The following SLC22A3 variants were observed in gnomAD, a reference collection of about 807,000 sequenced individuals.
SLC22A3 encodes the protein solute carrier family 22 member 3, also known as EMT organic cation transporter 3.
SLC22A3 carries 51 observed loss-of-function variants against 59.1 expected under a neutral mutation model. That is an observed-to-expected ratio of 0.86 (90% confidence interval 0.69 to 1.09). The LOEUF is 1.09. SLC22A3 is among the 50% of genes least tolerant of loss of function. The pLI is 0.00. For synonymous variants in SLC22A3, 325 were observed against 292.0 expected, an observed-to-expected ratio of 1.11 and a Z score of -1.15; for missense variants, 711 against 726.3, an observed-to-expected ratio of 0.98 and a Z score of 0.24.
At chr6:160,369,698 A>G (rs1433603479) in intron 1 of SLC22A3, among the ~76,000 whole-genome samples, 1 of 152,146 alleles carries the variant, frequency 6.6e-6, no homozygotes, top group Non-Finnish European at 1.5e-5. Context: ...ATTTTGTTGT[A>G]TTTTATTTAG....
chr6:160,361,251 G>T (rs779250261), intron 1 of SLC22A3, among the ~76,000 whole-genome samples: 28 of 152,188 alleles, frequency 1.8e-4, no homozygotes, highest in Non-Finnish European at 2.9e-4. Context: ...GGTGGACTCA[G>T]GGTGAATTGA....
At chr6:160,397,497 A>G (rs1222477290) in intron 1 of SLC22A3, among the ~76,000 whole-genome samples, 1 of 151,992 alleles carries the variant, frequency 6.6e-6, no homozygotes, top group African/African-American at 2.4e-5. Flanking sequence ...GCACTTTGGG[A>G]GTTTGAGGTG....
chr6:160,373,402 C>G (rs1215386271), intron 1 of SLC22A3, among the ~76,000 whole-genome samples: 1 of 152,158 alleles, frequency 6.6e-6, no homozygotes, highest in Non-Finnish European at 1.5e-5. Flanking sequence ...GGGGCACTCA[C>G]CAGATGTGAG....
intron 1 of SLC22A3, among the ~76,000 whole-genome samples, chr6:160,356,002 C>T (rs538647082): frequency 2.6e-5 from 4 of 152,282 alleles, no homozygotes; most frequent in East Asian, 1.9e-4. Context: ...CCCTCCTAGC[C>T]TAACGCAGTG....
chr6:160,389,573 T>C (rs896433152), intron 1 of SLC22A3, among the ~76,000 whole-genome samples: 21 of 152,218 alleles, frequency 1.4e-4, no homozygotes, highest in African/African-American at 4.3e-4. Flanking sequence ...GCATGTCCAC[T>C]TGACTCTGTG....
In SLC22A3 at chr6:160,381,648, A is replaced by G. The variant is rs150193231; in HGVS notation, c.430-16331A>G. Among the ~76,000 whole-genome samples the G allele has an allele frequency of 6.9e-3, 1,047 of 152,348 alleles. 11 individuals carry two copies. The highest frequency in any genetic ancestry group is 0.024 in the African/African-American group (1,008 of 41,574). ...GTAAACTCGTTGATTTTATTTTCAT[A>G]AATGATTTATTTTACAACTATGAAG... is the stretch of plus-strand genomic sequence containing the variant. On this transcript the variant is annotated intron_variant, in intron 1 of 10. Transcript: ENST00000275300.
intron 1 of SLC22A3, among the ~76,000 whole-genome samples, chr6:160,378,150 A>G (rs541996259): frequency 1.3e-5 from 2 of 152,348 alleles, no homozygotes; most frequent in African/African-American, 4.8e-5. Flanking sequence ...TGAAGATTCT[A>G]GAATAATATG....
chr6:160,429,273 A>C (rs1390633150), intron 5 of SLC22A3, among the ~76,000 whole-genome samples: 6 of 152,230 alleles, frequency 3.9e-5, no homozygotes, highest in Admixed American at 3.9e-4. Context: ...CATTCACTGA[A>C]TAAATCACAG....
intron 1 of SLC22A3, among the ~76,000 whole-genome samples, chr6:160,395,312 T>A (rs955067346): frequency 6.6e-6 from 1 of 152,202 alleles, no homozygotes; most frequent in Non-Finnish European, 1.5e-5. Context: ...TGAATACATG[T>A]ATTAAAAGGC....
chr6:160,388,743 T>C (rs189580219), intron 1 of SLC22A3, among the ~76,000 whole-genome samples: 2 of 152,352 alleles, frequency 1.3e-5, no homozygotes, highest in Admixed American at 6.5e-5. Flanking sequence ...CCTTATTCAC[T>C]ATTTTTATTT....
intron 2 of SLC22A3, among the ~76,000 whole-genome samples, chr6:160,398,565 A>G (rs1289737369): frequency 6.6e-6 from 1 of 152,210 alleles, no homozygotes; most frequent in East Asian, 1.9e-4. Flanking sequence ...ATATTTTTCC[A>G]AAAACCACTA....
chr6:160,408,682 C>T, intron 3 of SLC22A3, 71 bp from the exon 4 acceptor site: 1 of 1,460,084 alleles, frequency 6.8e-7, no homozygotes. Context: ...GGTGTAACAT[C>T]TCTGTATTTG....
At chr6:160,430,714 G>A (rs1359466527) in intron 5 of SLC22A3, among the ~76,000 whole-genome samples, 1 of 152,120 alleles carries the variant, frequency 6.6e-6, no homozygotes, top group South Asian at 2.1e-4. Flanking sequence ...AGAGAGTGTC[G>A]ATACTAGGCA....
intron 9 of SLC22A3, among the ~76,000 whole-genome samples, chr6:160,446,179 G>A (rs1232781168): frequency 1.3e-5 from 2 of 152,200 alleles, no homozygotes; most frequent in African/African-American, 4.8e-5. Flanking sequence ...AGTAGCACAT[G>A]TGGATCTGGT....
rs748041063 is a variant in SLC22A3 at position 160,450,976 on chromosome 6, T to C, written c.1611-20T>C. 8 of 1,576,696 alleles carry C rather than the reference T, an allele frequency of 5.1e-6. No individual in the cohort carries two copies. The African/African-American group carries it at 8.1e-5, about 16-fold the overall frequency. On this transcript the variant is annotated intron_variant, in intron 10 of 10. Coordinates refer to ENST00000275300, the MANE Select transcript of SLC22A3 (RefSeq NM_021977.4). ...TAGTTACATAATCTTTCCTAAAGACTTTCTCCTTTGTTTTTTCAGTCCACA... is the reference window on the plus strand; with the variant it reads ...TAGTTACATAATCTTTCCTAAAGACCTTCTCCTTTGTTTTTTCAGTCCACA...
chr6:160,448,371 T>C (rs1788823831), intron 10 of SLC22A3, among the ~76,000 whole-genome samples: 1 of 152,068 alleles, frequency 6.6e-6, no homozygotes, highest in Admixed American at 6.6e-5. Context: ...AATAGGTAGA[T>C]GGATGATAGA....
intron 5 of SLC22A3, among the ~76,000 whole-genome samples, chr6:160,421,317 T>TAA (rs751737211): frequency 1.7e-4 from 26 of 152,212 alleles, no homozygotes; most frequent in Non-Finnish European, 3.4e-4. Context: ...CTTTCTCACT[T>TAA]ACTCTTCTCT....
chr6:160,399,041 A>T (rs1786643151), intron 2 of SLC22A3, among the ~76,000 whole-genome samples: 1 of 152,214 alleles, frequency 6.6e-6, no homozygotes, highest in African/African-American at 2.4e-5. Flanking sequence ...CATATCCTGT[A>T]GCCAATTGAA....
intron 1 of SLC22A3, among the ~76,000 whole-genome samples, chr6:160,360,992 C>T (rs981980465): frequency 1.3e-5 from 2 of 152,086 alleles, no homozygotes; most frequent in African/African-American, 2.4e-5. Context: ...CTTCCTCTAC[C>T]AGAAATTAAA....
Sources: gnomAD v4.1 joint callset for allele counts (sites outside exome capture counted in the v4.1 genomes callset) on GRCh38, gnomAD v4.1.1 for gene constraint, MANE v1.5 for transcripts, NCBI Gene and HGNC (gene_info 2026-07-23, HGNC 2026-07-21) for gene names.